Variants in DGKB observed in about 807,000 individuals in gnomAD.
DGKB encodes diacylglycerol kinase beta.
DGKB carries 67 observed loss-of-function variants against 114.3 expected under a neutral mutation model. That is an observed-to-expected ratio of 0.59 (90% confidence interval 0.48 to 0.72). The LOEUF (loss-of-function observed/expected upper bound fraction) is 0.72. DGKB is among the 30% of genes least tolerant of loss of function. The pLI, the probability that DGKB is intolerant of heterozygous loss-of-function variation, is 0.00. For synonymous variants in DGKB, 398 were observed against 323.1 expected (o/e 1.23, Z -2.49); for missense variants, 907 against 975.2 (o/e 0.93, Z 0.93).
chr7:14,507,524 A>G (rs1787278082), intron 20 of DGKB, among the ~76,000 whole-genome samples: 1 of 152,176 alleles, frequency 6.6e-6, no homozygotes, highest in Admixed American at 6.5e-5. Flanking sequence ...AGATATTTTC[A>G]TTTTGTATTA....
chr7:14,389,376 A>G (rs1820956129), intron 21 of DGKB, among the ~76,000 whole-genome samples: 3 of 152,300 alleles, frequency 2.0e-5, no homozygotes, highest in Admixed American at 6.5e-5. Context: ...TCAGGCGATT[A>G]AATTTATTCA....
chr7:14,530,279 T>C (rs916883005), intron 20 of DGKB, among the ~76,000 whole-genome samples: 1 of 151,502 alleles, frequency 6.6e-6, no homozygotes, highest in African/African-American at 2.4e-5. Flanking sequence ...GAGAAAATAA[T>C]GAAAAACTAT....
chr7:14,587,700 T>C (rs955958757), intron 17 of DGKB, among the ~76,000 whole-genome samples: 3 of 152,108 alleles, frequency 2.0e-5, no homozygotes, highest in Non-Finnish European at 4.4e-5. Context: ...CTCTGATCAT[T>C]TGGTTCCCAT....
At chr7:14,831,717 A>G (rs1846439787) in intron 2 of DGKB, among the ~76,000 whole-genome samples, 1 of 152,118 alleles carries the variant, frequency 6.6e-6, no homozygotes, top group Non-Finnish European at 1.5e-5. Context: ...GCAGCAGGCT[A>G]TCTTATTACA....
intron 2 of DGKB, among the ~76,000 whole-genome samples, chr7:14,825,622 G>C (rs943695018): frequency 1.3e-5 from 2 of 152,204 alleles, no homozygotes; most frequent in Non-Finnish European, 2.9e-5. Context: ...TAAATACAGA[G>C]GAAATTTCAC....
At chr7:14,398,981 C>G (rs966535405) in intron 21 of DGKB, among the ~76,000 whole-genome samples, 6 of 151,886 alleles carry the variant, frequency 4.0e-5, no homozygotes, top group Non-Finnish European at 8.8e-5. Context: ...CTGAATATCT[C>G]ACATTTACAA....
intron 1 of DGKB, among the ~76,000 whole-genome samples, chr7:14,961,785 G>C (rs1786858444): frequency 6.6e-6 from 1 of 151,956 alleles, no homozygotes; most frequent in Non-Finnish European, 1.5e-5. Context: ...ACACAATCCT[G>C]CTTCTTTCTC....
rs559347022 is a variant in DGKB at position 14,402,136 on chromosome 7, A to G, written c.1836-56745T>C. Among the ~76,000 whole-genome samples, 456 of 151,842 alleles carry G rather than the reference A, an allele frequency of 3.0e-3. 3 individuals carry two copies. The highest frequency in any genetic ancestry group is 7.1e-3 in the Admixed American group (108 of 15,186). On this transcript the variant is annotated intron_variant, in intron 21 of 25. Coordinates refer to ENST00000402815, the MANE Select transcript of DGKB (RefSeq NM_001350709.2). ...ATTTCTATATATAGAAATAGATTAT[A>G]TGAGATAGATCTATTTCATTTCATA... is the stretch of plus-strand genomic sequence containing the variant.
At chr7:14,668,147 T>C (rs1818360252) in intron 13 of DGKB, among the ~76,000 whole-genome samples, 1 of 152,040 alleles carries the variant, frequency 6.6e-6, no homozygotes, top group South Asian at 2.1e-4. Context: ...GGAAGCAGGT[T>C]GGGGTGTACA....
intron 7 of DGKB, among the ~76,000 whole-genome samples, chr7:14,700,983 G>C (rs1024690585): frequency 1.3e-5 from 2 of 151,974 alleles, no homozygotes; most frequent in Non-Finnish European, 2.9e-5. Flanking sequence ...TTTCATGCAT[G>C]GTACTGATCT....
At chr7:14,222,818 AT>A (rs965246626) in intron 23 of DGKB, among the ~76,000 whole-genome samples, 1 of 151,018 alleles carries the variant, frequency 6.6e-6, no homozygotes, top group African/African-American at 2.4e-5. Context: ...TTTTTGCTTT[AT>A]TTTGATTTTC....
intron 1 of DGKB, among the ~76,000 whole-genome samples, chr7:14,917,812 G>A (rs1436456192): frequency 1.3e-5 from 2 of 151,802 alleles, no homozygotes; most frequent in Non-Finnish European, 2.9e-5. Context: ...ACCCTTACAA[G>A]AATGAAAAAC....
chr7:14,404,091 G>A (rs1190738151), intron 21 of DGKB, among the ~76,000 whole-genome samples: 2 of 151,384 alleles, frequency 1.3e-5, no homozygotes, highest in East Asian at 1.9e-4. Flanking sequence ...CCAAAGGCAT[G>A]CTTAGTGTAA....
Position 14,583,095 on chromosome 7 carries a change from G to A in DGKB, c.1476C>T (p.Ala492=), listed in dbSNP as rs1046420873. The change falls in exon 18 of 26, where the codon GCC becomes GCT. Residue 492 remains alanine, a synonymous_variant. Coordinates refer to ENST00000402815, the MANE Select transcript of DGKB (RefSeq NM_001350709.2). ...FRDVPDFRVL[A]CGGDGTVGWV... ...AGCCCACGGTTCCATCTCCACCACA[G>A]GCTAACACTCTGAAGTCAGGAACAT... 1 of 1,613,158 alleles carries A rather than the reference G, an allele frequency of 6.2e-7. No homozygotes were observed.
At chr7:14,835,688 G>GTC (rs142995377) in intron 2 of DGKB, among the ~76,000 whole-genome samples, 6 of 151,754 alleles carry the variant, frequency 4.0e-5, no homozygotes, top group South Asian at 2.1e-4. Context: ...AGGAGGTCAA[G>GTC]TCTCTCTCTC....
chr7:14,528,477 T>C (rs1236486799), intron 20 of DGKB, among the ~76,000 whole-genome samples: 1 of 152,112 alleles, frequency 6.6e-6, no homozygotes, highest in African/African-American at 2.4e-5. Flanking sequence ...ATTATTTCTG[T>C]CTTTTAAACT....
chr7:14,670,904 A>T (rs1321550997), intron 13 of DGKB, among the ~76,000 whole-genome samples: 1 of 152,190 alleles, frequency 6.6e-6, no homozygotes, highest in Non-Finnish European at 1.5e-5. Flanking sequence ...TGTTTGGCAC[A>T]TACTAGGCAT....
chr7:14,394,960 A>G (rs950160762), intron 21 of DGKB, among the ~76,000 whole-genome samples: 5 of 152,156 alleles, frequency 3.3e-5, no homozygotes, highest in African/African-American at 1.2e-4. Flanking sequence ...AGAAAATACC[A>G]CTGCCAGGAG....
At chr7:14,372,769 T>TG (rs1817865356) in intron 21 of DGKB, among the ~76,000 whole-genome samples, 1 of 152,288 alleles carries the variant, frequency 6.6e-6, no homozygotes, top group South Asian at 2.1e-4. Context: ...ATAGTATAAA[T>TG]GGCTATTTTT....
Sources: gnomAD v4.1 joint callset for allele counts (sites outside exome capture counted in the v4.1 genomes callset) on GRCh38, gnomAD v4.1.1 for gene constraint, MANE v1.5 for transcripts, NCBI Gene and HGNC (gene_info 2026-07-23, HGNC 2026-07-21) for gene names.